VSTM1: variants seen among roughly 807,000 people sequenced by gnomAD.
The protein encoded by VSTM1 is V-set and transmembrane domain-containing protein 1.
VSTM1 carries 27 observed loss-of-function variants against 33.1 expected under a neutral mutation model. The ratio of observed to expected loss-of-function variants is 0.82; its 90% CI spans 0.60 to 1.12. The LOEUF is 1.12. Ranked by LOEUF, VSTM1 falls within the 50% of genes most tolerant of loss-of-function variation. The probability of loss-of-function intolerance (pLI) is 0.00; values close to 1 mark genes in which losing one functional copy is unlikely to be tolerated. For synonymous variants in VSTM1, 115 were observed against 110.3 expected (o/e 1.04, Z -0.27); for missense variants, 304 against 288.9 (o/e 1.05, Z -0.38).
Position 54,056,214 on chromosome 19 carries a change from CTTTTTTTT to C in VSTM1, c.355+2084_355+2091del, listed in dbSNP as rs869203085. Among the ~76,000 whole-genome samples the C allele has an allele frequency of 5.1e-5, 2 of 39,176 alleles. 1 individual carries two copies. Among genetic ancestry groups the C allele is most frequent in the East Asian group, 1.2e-3 (2 of 1,658 alleles). 25.7% of individuals were successfully genotyped at this position (39,176 alleles called of 152,430 possible). On this transcript the variant is annotated intron_variant, in intron 3 of 8. Coordinates refer to ENST00000338372, the MANE Select transcript of VSTM1 (RefSeq NM_198481.4). ...TTCTTTCTTTCTTTTCTTTTCTTTT[CTTTTTTTT>C]TTTTTTTTTTTTTTTTTGAGACAGG...
chr19:54,050,707 C>T (rs111502466), intron 4 of VSTM1, among the ~76,000 whole-genome samples: 8 of 152,036 alleles, frequency 5.3e-5, no homozygotes, highest in Admixed American at 3.3e-4. Context: ...AGGCCGGGTG[C>T]GGTGGCTCAT....
At chr19:54,041,176 T>A (rs1449319118) in intron 8 of VSTM1, 96 bp from the exon 9 acceptor site, 7 of 1,344,058 alleles carry the variant, frequency 5.2e-6, no homozygotes, top group Non-Finnish European at 6.8e-6. Flanking sequence ...TACAATTAAA[T>A]TTAATTTAAA....
At chr19:54,059,396 G>A (rs1370125019) in intron 1 of VSTM1, among the ~76,000 whole-genome samples, 2 of 151,814 alleles carry the variant, frequency 1.3e-5, no homozygotes, top group Non-Finnish European at 2.9e-5. Flanking sequence ...TTGCTTTCAT[G>A]AGTAATCCTT....
In VSTM1 at chr19:54,042,435, G is replaced by A. The variant is rs993318505; in HGVS notation, c.395-66C>T. ...TGAAATCCACTGATAGGGGCGAGCC[G>A]AAAAGCTAAGAGAAGCCAGACAGAT... is the stretch of plus-strand genomic sequence containing the variant. On this transcript the variant is annotated intron_variant, in intron 4 of 8. Transcript: ENST00000338372. 6.6e-5 allele frequency: 102 copies of A among 1,551,538 alleles called. No individual in the cohort carries two copies. The Admixed American group carries it at 1.4e-3, about 21-fold the overall frequency.
Position 54,058,247 on chromosome 19 carries a change from A to T in VSTM1, c.355+59T>A, listed in dbSNP as rs1422759136. ...ACAGCAAGACTCTGTCTTAAAAAAAAAAAAGCAAAGCCAAACCAAAGAAAT... is the reference window on the plus strand; with the variant it reads ...ACAGCAAGACTCTGTCTTAAAAAAATAAAAGCAAAGCCAAACCAAAGAAAT... On this transcript the variant is annotated intron_variant, in intron 3 of 8. Coordinates refer to ENST00000338372, the MANE Select transcript of VSTM1 (RefSeq NM_198481.4). 7 of 1,553,530 alleles carry T rather than the reference A, an allele frequency of 4.5e-6. No homozygotes were observed. In the African/African-American group the frequency reaches 8.3e-5, roughly 18 times the overall value.
chr19:54,054,634 A>ATGGATGG lies in VSTM1; in HGVS notation c.356-3187_356-3186insCCATCCA, dbSNP rs1568470386. Among the ~76,000 whole-genome samples, 21 of 135,376 alleles carry ATGGATGG rather than the reference A, an allele frequency of 1.6e-4. 1 individual carries two copies. The highest frequency in any genetic ancestry group is 5.0e-4 in the South Asian group (2 of 4,022). 88.8% of individuals were successfully genotyped at this position (135,376 alleles called of 152,430 possible). ...TTAGTGACTAATAAATGAATGGATG[A>ATGGATGG]ATGGATGGATGGATGGATGGATGGA... On this transcript the variant is annotated intron_variant, in intron 3 of 8. Transcript: ENST00000338372.
intron 4 of VSTM1, among the ~76,000 whole-genome samples, chr19:54,043,887 G>A (rs756749788): frequency 7.4e-6 from 1 of 135,798 alleles, no homozygotes. Context: ...GGAGGGGAGA[G>A]GAGGGGAGAG....
rs1189066593 is a variant in VSTM1 at position 54,055,450 on chromosome 19, G to A, written c.355+2856C>T. 2 of 142,264 alleles carry A rather than the reference G, an allele frequency of 1.4e-5. 1 individual carries two copies. Among genetic ancestry groups the A allele is most frequent in the East Asian group, 4.0e-4 (2 of 4,976 alleles). The allele number at this position is 142,264 out of a possible 1,614,324, so 8.8% of individuals were successfully genotyped here. A position where few individuals can be genotyped will look rare whatever the true frequency, so the allele number is the denominator to read the frequency against. ...GGCAAGTTACCTGTCGTGGAGACAGGAACATAGAAAATGCTGGATACATGT... is the reference window on the plus strand; with the variant it reads ...GGCAAGTTACCTGTCGTGGAGACAGAAACATAGAAAATGCTGGATACATGT... On this transcript the variant is annotated intron_variant, in intron 3 of 8. Transcript: ENST00000338372.
At chr19:54,049,962 C>T (rs1159864267) in intron 4 of VSTM1, among the ~76,000 whole-genome samples, 6 of 150,814 alleles carry the variant, frequency 4.0e-5, no homozygotes, top group Non-Finnish European at 8.8e-5. Flanking sequence ...CTGTTTCAGC[C>T]GAATGCTGCC....
intron 3 of VSTM1, among the ~76,000 whole-genome samples, chr19:54,054,634 A>AATGG (rs35280887): frequency 0.14 from 19,356 of 135,298 alleles, 3,710 homozygotes; most frequent in Admixed American, 0.23. Context: ...TGAATGGATG[A>AATGG]ATGGATGGAT....
intron 4 of VSTM1, among the ~76,000 whole-genome samples, chr19:54,042,809 T>TATATATATATATATATATAC (rs2070365106): frequency 3.3e-5 from 1 of 30,478 alleles, no homozygotes; most frequent in Admixed American, 3.5e-4. Context: ...TAAATGTGTA[T>TATATATATATATATATATAC]ATATATATAT....
At chr19:54,043,846 G>A (rs1163412012) in intron 4 of VSTM1, among the ~76,000 whole-genome samples, 1 of 152,076 alleles carries the variant, frequency 6.6e-6, no homozygotes, top group Non-Finnish European at 1.5e-5. Context: ...AGGACGGGAT[G>A]TGAAGATTAT....
intron 4 of VSTM1, among the ~76,000 whole-genome samples, chr19:54,042,839 C>CACATAT (rs1415249561): frequency 7.1e-5 from 5 of 70,732 alleles, no homozygotes; most frequent in African/African-American, 2.6e-4. Flanking sequence ...TATATATATA[C>CACATAT]ATATATATAT....
rs10693760 is a variant in VSTM1, at chr19:54,061,016, C to CTTTTT, written c.35-2289_35-2285dup. On this transcript the variant is annotated intron_variant, in intron 1 of 8. Coordinates refer to ENST00000338372, the MANE Select transcript of VSTM1 (RefSeq NM_198481.4). ...CCAATTCCCATATTCTTTTTCTTTTCTTTTTTTTTTTTTTTTTTTGACATG... is the reference window on the plus strand; with the variant it reads ...CCAATTCCCATATTCTTTTTCTTTTCTTTTTTTTTTTTTTTTTTTTTTTTGACATG... Among the ~76,000 whole-genome samples the CTTTTT allele has an allele frequency of 9.6e-4, 110 of 115,016 alleles. 1 individual carries two copies. The highest frequency in any genetic ancestry group is 1.0e-3 in the African/African-American group (31 of 29,822). 75.5% of individuals were successfully genotyped at this position (115,016 alleles called of 152,430 possible).
rs373273770 is a variant in VSTM1, at chr19:54,061,555, G to C, written c.34+2189C>G. Among the ~76,000 whole-genome samples, 8 of 152,308 alleles carry C rather than the reference G, an allele frequency of 5.3e-5. No individual in the cohort carries two copies. The East Asian group carries it at 1.4e-3, about 26-fold the overall frequency. The stretch of plus-strand genomic sequence containing the variant: ...AAGACAGAGGCAGAGAGGCCAGGCT[G>C]CAATCATAGTGCTTTGGGATGCCAA... On this transcript the variant is annotated intron_variant, in intron 1 of 8. Coordinates refer to ENST00000338372, the MANE Select transcript of VSTM1 (RefSeq NM_198481.4).
chr19:54,042,350 G>T lies in VSTM1; in HGVS notation c.414C>A (p.Val138=). Residue 138 remains valine, a synonymous_variant, in exon 5 of 9, where the codon GTC becomes GTA. Transcript: ENST00000338372. ...SMKTDTRTIF[V]AIFSCISILL... ...GGATGGAGATGCAGCTGAAGATGGC[G>T]ACAAAGATGGTTCTGGTGTCTGGAG... The T allele has an allele frequency of 6.2e-7, 1 of 1,613,700 alleles. No homozygotes were observed. Among genetic ancestry groups the T allele is most frequent in the Middle Eastern group, 1.7e-4 (1 of 6,014 alleles).
chr19:54,060,294 A>C (rs1195810880), intron 1 of VSTM1, among the ~76,000 whole-genome samples: 1 of 151,936 alleles, frequency 6.6e-6, no homozygotes, highest in Non-Finnish European at 1.5e-5. Context: ...TGTTCTCTAC[A>C]TTCCCCGCTG....
intron 4 of VSTM1, among the ~76,000 whole-genome samples, chr19:54,043,310 C>G (rs1033461815): frequency 9.2e-5 from 14 of 152,150 alleles, no homozygotes; most frequent in African/African-American, 3.4e-4. Flanking sequence ...GATCCCCTGC[C>G]TGCCTGCCCT....
chr19:54,041,106 G>T, intron 8 of VSTM1, 26 bp from the exon 9 acceptor site: 1 of 1,536,144 alleles, frequency 6.5e-7, no homozygotes. Context: ...ATGAATATTA[G>T]AACTGAGTGT....
Sources: gnomAD v4.1 joint callset for allele counts (sites outside exome capture counted in the v4.1 genomes callset) on GRCh38, gnomAD v4.1.1 for gene constraint, MANE v1.5 for transcripts, NCBI Gene and HGNC (gene_info 2026-07-23, HGNC 2026-07-21) for gene names.